Variants in CEP170 observed in about 807,000 individuals in gnomAD.
CEP170 encodes the protein centrosomal protein of 170 kDa.
In CEP170, 21 loss-of-function variants were observed where a neutral mutation model predicts 151.9. The observed-to-expected ratio is 0.14, with a 90% confidence interval of 0.10 to 0.20. The LOEUF (loss-of-function observed/expected upper bound fraction) is 0.20. Among genes scored for constraint, CEP170 ranks in the 10% least tolerant of loss-of-function variants. The probability of loss-of-function intolerance (pLI) is 1.00; values close to 1 mark genes in which losing one functional copy is unlikely to be tolerated. For synonymous variants in CEP170, 356 were observed against 648.8 expected (o/e 0.55, Z 6.86); for missense variants, 964 against 1,892.9 (o/e 0.51, Z 9.11).
At chr1:243,235,727 A>G (rs1378625758) in intron 1 of CEP170, among the ~76,000 whole-genome samples, 1 of 152,152 alleles carries the variant, frequency 6.6e-6, no homozygotes, top group Non-Finnish European at 1.5e-5. Context: ...ATGACATTCC[A>G]AATACCACAC....
At chr1:243,235,208 A>T (rs560789178) in intron 1 of CEP170, among the ~76,000 whole-genome samples, 1 of 152,212 alleles carries the variant, frequency 6.6e-6, no homozygotes, top group African/African-American at 2.4e-5. Flanking sequence ...CAGTGGGAAG[A>T]AAGAAACATG....
chr1:243,226,032 TATCTATCTCTAGATATATATATCTAG>T (rs1477861297), intron 1 of CEP170, among the ~76,000 whole-genome samples: 3 of 120,892 alleles, frequency 2.5e-5, no homozygotes, highest in African/African-American at 8.9e-5. Context: ...CACGTATATA[TATCTATCTCTAGATATATATATCTAG>T]ATATATATAT....
At chr1:243,148,534 A>G (rs2056757252) in intron 14 of CEP170, among the ~76,000 whole-genome samples, 1 of 152,194 alleles carries the variant, frequency 6.6e-6, no homozygotes, top group Non-Finnish European at 1.5e-5. Context: ...AGATCGCGCC[A>G]CTACACTTCA....
chr1:243,173,138 G>A (rs546468628), intron 10 of CEP170, among the ~76,000 whole-genome samples: 1 of 151,300 alleles, frequency 6.6e-6, no homozygotes, highest in Non-Finnish European at 1.5e-5. Flanking sequence ...TCGGCTCACC[G>A]CAACCTCCGC....
intron 6 of CEP170, 112 bp downstream of exon 6, chr1:243,200,406 T>G (rs1332521270): frequency 6.9e-6 from 8 of 1,161,592 alleles, no homozygotes; most frequent in Non-Finnish European, 9.8e-6. Context: ...ACTCTGAAAT[T>G]ATCACTATTA....
chr1:243,233,712 A>G (rs1425665711), intron 1 of CEP170, among the ~76,000 whole-genome samples: 4 of 139,760 alleles, frequency 2.9e-5, no homozygotes, highest in Non-Finnish European at 3.1e-5. Context: ...CAGACTGGGC[A>G]ACAGAGCAAG....
intron 1 of CEP170, chr1:243,254,551 T>C (rs902358): frequency 0.96 from 146,310 of 152,266 alleles, 70,576 homozygotes; most frequent in East Asian, 1. Context: ...CCAAAACCAA[T>C]CACACAAAAG....
rs2789227 is a variant in CEP170, at chr1:243,131,997, A to G, written c.4320-2544T>C. ...ATTGAGAGTCTACCAATGCAAGGCC[A>G]TGCTACACAACCTAAGGGGGTCATT... On this transcript the variant is annotated intron_variant, in intron 17 of 19. Coordinates refer to ENST00000366542, the MANE Select transcript of CEP170 (RefSeq NM_014812.3). Among the ~76,000 whole-genome samples the G allele has an allele frequency of 3.7e-4, 57 of 152,260 alleles. 2 individuals carry two copies. The South Asian group carries it at 0.011, about 29-fold the overall frequency.
chr1:243,197,884 A>G (rs2060764970), intron 7 of CEP170, among the ~76,000 whole-genome samples: 1 of 152,122 alleles, frequency 6.6e-6, no homozygotes, highest in South Asian at 2.1e-4. Flanking sequence ...GGTGACAGAA[A>G]CAATAAAGCT....
At chr1:243,200,929 C>G in intron 4 of CEP170, 94 bp from the exon 5 acceptor site, 1 of 1,333,192 alleles carries the variant, frequency 7.5e-7, no homozygotes, top group Non-Finnish European at 1.0e-6. Flanking sequence ...TCTATTTCAA[C>G]AGGTAACTAC....
chr1:243,137,911 T>TTTA (rs2055323547), intron 16 of CEP170, among the ~76,000 whole-genome samples: 1 of 152,100 alleles, frequency 6.6e-6, no homozygotes, highest in Admixed American at 6.6e-5. Context: ...GTAATAAAAG[T>TTTA]TTATTTAGGT....
intron 1 of CEP170, among the ~76,000 whole-genome samples, chr1:243,234,554 T>A (rs916967462): frequency 1.1e-4 from 16 of 152,224 alleles, no homozygotes; most frequent in African/African-American, 3.4e-4. Context: ...AGGCATTGCA[T>A]CAACTGGCAT....
intron 4 of CEP170, among the ~76,000 whole-genome samples, chr1:243,210,608 A>ATTTTTTTTTTTTTTTTTTTTTT (rs751388751): frequency 1.5e-5 from 1 of 67,942 alleles, no homozygotes; most frequent in Non-Finnish European, 2.5e-5. Flanking sequence ...ATTTTTCGTA[A>ATTTTTTTTTTTTTTTTTTTTTT]TTTTTTTTTT....
chr1:243,194,754 T>G (rs1421258376), intron 7 of CEP170, among the ~76,000 whole-genome samples: 1 of 151,854 alleles, frequency 6.6e-6, no homozygotes, highest in Admixed American at 6.6e-5. Flanking sequence ...TTCATCTATC[T>G]TCAAAACTCA....
intron 12 of CEP170, chr1:243,169,327 A>G (rs2058665106): frequency 3.6e-6 from 1 of 281,452 alleles, no homozygotes; most frequent in African/African-American, 2.3e-5. Flanking sequence ...GAAGTCCACA[A>G]AATTTCTCAA....
intron 4 of CEP170, among the ~76,000 whole-genome samples, chr1:243,203,053 A>T (rs2061162924): frequency 6.6e-6 from 1 of 152,120 alleles, no homozygotes; most frequent in Non-Finnish European, 1.5e-5. Context: ...GTGTGTGGAA[A>T]CGAAGAAGAC....
rs916006845 is a variant in CEP170, at chr1:243,124,970, A to T, written c.*1479T>A. 1.3e-5 allele frequency: 2 copies of T among 152,006 alleles called. No individual in the cohort carries two copies. Among genetic ancestry groups the T allele is most frequent in the Non-Finnish European group, 2.9e-5 (2 of 67,970 alleles). The allele number at this position is 152,006 out of a possible 1,614,324, so 9.4% of individuals were successfully genotyped here. A position where few individuals can be genotyped will look rare whatever the true frequency, so the allele number is the denominator to read the frequency against. Reference sequence around the variant, plus strand: ...AGTTTTTTTGCATCTTTATTAATTGATCCAACAATACAGGATTTAAAAAAT... The same window carrying T: ...AGTTTTTTTGCATCTTTATTAATTGTTCCAACAATACAGGATTTAAAAAAT... On this transcript the variant is annotated 3_prime_UTR_variant, in exon 20 of 20. Transcript: ENST00000366542.
intron 3 of CEP170, among the ~76,000 whole-genome samples, chr1:243,220,359 A>G (rs2171972): frequency 0.32 from 48,733 of 151,678 alleles, 8,068 homozygotes; most frequent in South Asian, 0.54. Flanking sequence ...TAAATGTGAG[A>G]GTTTTCAGGG....
chr1:243,164,720 C>G lies in CEP170; in HGVS notation c.3240G>C (p.Pro1080=). The G allele has an allele frequency of 1.2e-6, 2 of 1,613,504 alleles. No individual in the cohort carries two copies. Among genetic ancestry groups the G allele is most frequent in the Non-Finnish European group, 1.7e-6 (2 of 1,179,630 alleles). ...GSKVTKSKTS[P]VVSGSSSKST... ...ATTTACTAGATGAACCAGATACCAC[C>G]GGAGAAGTCTTAGATTTCGTTACTT... Residue 1080 remains proline (P), a synonymous_variant, in exon 13 of 20, where the codon CCG becomes CCC. Coordinates refer to ENST00000366542, the MANE Select transcript of CEP170 (RefSeq NM_014812.3).
Sources: allele counts gnomAD v4.1 joint callset (sites outside exome capture counted in the v4.1 genomes callset), GRCh38; gene constraint gnomAD v4.1.1; transcripts MANE v1.5; gene names NCBI Gene and HGNC (gene_info 2026-07-23, HGNC 2026-07-21).